The following C3orf22 variants were observed in gnomAD, a reference collection of about 807,000 sequenced individuals.
C3orf22 encodes uncharacterized protein C3orf22.
C3orf22 carries 7 observed loss-of-function variants against 10.8 expected under a neutral mutation model. The ratio of observed to expected loss-of-function variants is 0.65; its 90% CI spans 0.37 to 1.22. C3orf22 has a LOEUF of 1.22. Ranked by LOEUF, C3orf22 falls within the 50% of genes most tolerant of loss-of-function variation. The pLI is 0.02. For synonymous variants in C3orf22, 79 were observed against 78.9 expected (o/e 1.00, Z 0.00); for missense variants, 173 against 177.0 (o/e 0.98, Z 0.13).
downstream of C3orf22, among the ~76,000 whole-genome samples, chr3:126,545,846 G>C (rs545103237): frequency 7.9e-5 from 12 of 152,336 alleles, no homozygotes; most frequent in East Asian, 2.1e-3. Flanking sequence ...AGGGGGCTGA[G>C]GGCTGGTGGG....
chr3:126,541,831 G>A (rs778742193), intron 4 of C3orf22: 15 of 1,571,396 alleles, frequency 9.5e-6, no homozygotes, highest in African/African-American at 1.4e-5. Flanking sequence ...TGCTACAGCC[G>A]GAGGACCTGC....
intron 4 of C3orf22, among the ~76,000 whole-genome samples, chr3:126,543,708 AAG>A (rs1344842044): frequency 2.0e-5 from 3 of 150,248 alleles, no homozygotes; most frequent in African/African-American, 7.4e-5. Context: ...ATATGAGTGT[AAG>A]AGTGTGCATG....
At chr3:126,539,784 C>T (rs1478734035) in intron 4 of C3orf22, among the ~76,000 whole-genome samples, 2 of 62,672 alleles carry the variant, frequency 3.2e-5, no homozygotes, top group African/African-American at 1.6e-4. Flanking sequence ...CACACACACA[C>T]CACACACCAC....
At position 126,555,812 on chromosome 3, in the gene C3orf22, C is replaced by T. The variant is rs557421216; in HGVS notation, c.-40-2382G>A. Among the ~76,000 whole-genome samples, 167 of 152,344 alleles carry T rather than the reference C, an allele frequency of 1.1e-3. No individual in the cohort carries two copies. The Middle Eastern group carries it at 0.041, about 37-fold the overall frequency. ...CTACCTTCCTGCTCCATAACCCTGC[C>T]CCTCCAGGGCTGTGCCAGCTTTGTC... On this transcript the variant is annotated intron_variant, in intron 1 of 3. Coordinates refer to ENST00000318225, the MANE Select transcript of C3orf22 (RefSeq NM_152533.3).
At chr3:126,554,242 GT>G (rs1937270365) in intron 1 of C3orf22, among the ~76,000 whole-genome samples, 1 of 138,194 alleles carries the variant, frequency 7.2e-6, no homozygotes, top group Non-Finnish European at 1.5e-5. Context: ...TACATTTTTT[GT>G]TTGTTTTGTT....
chr3:126,556,917 CACACACAGACACAT>C (rs1408431229), intron 1 of C3orf22, among the ~76,000 whole-genome samples: 3 of 126,010 alleles, frequency 2.4e-5, no homozygotes, highest in Admixed American at 2.4e-4. Flanking sequence ...CACACATAGA[CACACACAGACACAT>C]ACACACTCAC....
chr3:126,548,737 G>T (rs1937112242), downstream of C3orf22, among the ~76,000 whole-genome samples: 1 of 152,208 alleles, frequency 6.6e-6, no homozygotes, highest in Non-Finnish European at 1.5e-5. Flanking sequence ...AAACACCACA[G>T]ATGTGACTCC....
chr3:126,550,480 C>G (rs910313833), intron 3 of C3orf22, among the ~76,000 whole-genome samples: 1 of 152,212 alleles, frequency 6.6e-6, no homozygotes, highest in Non-Finnish European at 1.5e-5. Flanking sequence ...AGGACACCCT[C>G]TGTCTCCCAC....
chr3:126,541,945 C>T (rs1226463896), intron 4 of C3orf22: 1 of 1,586,164 alleles, frequency 6.3e-7, no homozygotes, highest in Admixed American at 1.7e-5. Flanking sequence ...GCGGCCAAGC[C>T]CGCGGCGACC....
At chr3:126,541,624 C>T in intron 4 of C3orf22, 1 of 1,090,240 alleles carries the variant, frequency 9.2e-7, no homozygotes. Flanking sequence ...GGGTGCCCGG[C>T]GCAGCTCCTG....
At chr3:126,531,199 C>A (rs1936652290) in intron 4 of C3orf22, among the ~76,000 whole-genome samples, 1 of 152,252 alleles carries the variant, frequency 6.6e-6, no homozygotes, top group Non-Finnish European at 1.5e-5. Flanking sequence ...GATTCTTGGG[C>A]CCCACCCCCC....
chr3:126,531,322 T>C (rs1936655735), intron 4 of C3orf22, among the ~76,000 whole-genome samples: 1 of 152,276 alleles, frequency 6.6e-6, no homozygotes, highest in South Asian at 2.1e-4. Context: ...CCAAAAGACC[T>C]GTTCCTCAGA....
At chr3:126,534,890 C>G (rs1255001921) in intron 4 of C3orf22, among the ~76,000 whole-genome samples, 1 of 146,724 alleles carries the variant, frequency 6.8e-6, no homozygotes, top group Non-Finnish European at 1.5e-5. Context: ...ATCCCTGTCC[C>G]CAGCCGGGAG....
chr3:126,548,977 T>C (rs1472532490), downstream of C3orf22, among the ~76,000 whole-genome samples: 3 of 152,200 alleles, frequency 2.0e-5, no homozygotes. Flanking sequence ...CCAAGGTGAC[T>C]TTCTAGCCCC....
At chr3:126,541,779 T>A (rs1368739038) in intron 4 of C3orf22, 5 of 1,532,844 alleles carry the variant, frequency 3.3e-6, no homozygotes, top group Middle Eastern at 1.7e-4. Flanking sequence ...CGGCGCGACC[T>A]GCTGAACAGC....
chr3:126,546,332 G>T (rs187954089), downstream of C3orf22, among the ~76,000 whole-genome samples: 57 of 152,338 alleles, frequency 3.7e-4, no homozygotes, highest in East Asian at 0.011. Flanking sequence ...TCTGCATGGT[G>T]CCCCAGATTT....
At chr3:126,531,748 T>C (rs754519934) in intron 4 of C3orf22, among the ~76,000 whole-genome samples, 3 of 152,252 alleles carry the variant, frequency 2.0e-5, no homozygotes, top group Admixed American at 6.5e-5. Flanking sequence ...TTTGGGGCTA[T>C]CATGAATAAT....
At chr3:126,542,257 G>T in intron 4 of C3orf22, 1 of 1,547,908 alleles carries the variant, frequency 6.5e-7, no homozygotes, top group African/African-American at 1.4e-5. Context: ...TGCTGGACCC[G>T]CGCACGCGGC....
downstream of C3orf22, among the ~76,000 whole-genome samples, chr3:126,546,171 C>T (rs1005957406): frequency 6.6e-6 from 1 of 152,212 alleles, no homozygotes; most frequent in Non-Finnish European, 1.5e-5. Flanking sequence ...CCGCAGTCTC[C>T]CTCTGACCAC....
Sources: gnomAD v4.1 joint callset for allele counts (sites outside exome capture counted in the v4.1 genomes callset) on GRCh38, gnomAD v4.1.1 for gene constraint, MANE v1.5 for transcripts, NCBI Gene and HGNC (gene_info 2026-07-23, HGNC 2026-07-21) for gene names.